GULP1: variants seen among roughly 807,000 people sequenced by gnomAD.
GULP1 encodes the protein PTB domain-containing engulfment adapter protein 1.
In GULP1, 19 loss-of-function variants were observed where a neutral mutation model predicts 40.9. That is an observed-to-expected ratio of 0.46 (90% confidence interval 0.32 to 0.68). The LOEUF (loss-of-function observed/expected upper bound fraction) is 0.68. Ranked by LOEUF, GULP1 falls within the 30% of genes least tolerant of loss-of-function variation. The pLI is 0.03. For missense variants in GULP1, 312 were observed against 362.2 expected, an observed-to-expected ratio of 0.86 and a Z score of 1.12; for synonymous variants, 119 against 117.6, an observed-to-expected ratio of 1.01 and a Z score of -0.08.
rs897976864 is a variant in GULP1, at chr2:188,292,221, T to G, written c.-172+55T>G. 1.1e-4 allele frequency: 16 copies of G among 152,368 alleles called. No individual in the cohort carries two copies. The highest frequency in any genetic ancestry group is 3.1e-4 in the African/African-American group (13 of 41,410). The allele number at this position is 152,368 out of a possible 1,614,324, so 9.4% of individuals were successfully genotyped here. On this transcript the variant is annotated intron_variant, in intron 1 of 11. Transcript: ENST00000409830. This position sits in a 1 kb window ranked among gnomAD's most constrained non-coding sequence, Gnocchi z 4.0. ...GCTGCGAACCCAGGCTCCCTCCAGG[T>G]AGCGTGGAATCGCTTAGAAGCTGAT...
intron 1 of GULP1, among the ~76,000 whole-genome samples, chr2:188,381,412 A>C (rs2152496919): frequency 6.6e-6 from 1 of 152,292 alleles, no homozygotes; most frequent in South Asian, 2.1e-4. Flanking sequence ...TGTTAAATTG[A>C]ATTGACCATT....
chr2:188,401,835 T>C (rs2152647552), intron 2 of GULP1, among the ~76,000 whole-genome samples: 1 of 152,274 alleles, frequency 6.6e-6, no homozygotes, highest in Admixed American at 6.5e-5. Flanking sequence ...TAGATCATTT[T>C]ATGTAAGTTG....
intron 6 of GULP1, among the ~76,000 whole-genome samples, chr2:188,532,037 A>G (rs1289388661): frequency 6.6e-6 from 1 of 152,058 alleles, no homozygotes; most frequent in East Asian, 1.9e-4. Context: ...ATTATTTTCA[A>G]TTTCTTATCT....
intron 1 of GULP1, among the ~76,000 whole-genome samples, chr2:188,376,784 A>AT (rs1285522992): frequency 6.6e-6 from 1 of 152,238 alleles, no homozygotes; most frequent in African/African-American, 2.4e-5. Context: ...CTATGTTGAC[A>AT]TATCTTTCCA....
At chr2:188,324,672 A>C (rs899857664) in intron 1 of GULP1, among the ~76,000 whole-genome samples, 1 of 151,980 alleles carries the variant, frequency 6.6e-6, no homozygotes, top group African/African-American at 2.4e-5. Flanking sequence ...TATTAGATGC[A>C]TGTATTATTT....
chr2:188,447,093 A>G (rs1055165329), intron 2 of GULP1, among the ~76,000 whole-genome samples: 2 of 152,140 alleles, frequency 1.3e-5, no homozygotes, highest in East Asian at 3.9e-4. Flanking sequence ...CTTCCAGGTT[A>G]TAGGTAGAAT....
chr2:188,516,712 A>G (rs530419699), intron 4 of GULP1, among the ~76,000 whole-genome samples: 55 of 152,310 alleles, frequency 3.6e-4, no homozygotes, highest in African/African-American at 1.3e-3. Context: ...ATTGAGTAGA[A>G]TTTGTATTTA....
chr2:188,536,519 A>G (rs908388492), intron 6 of GULP1, among the ~76,000 whole-genome samples: 1 of 151,708 alleles, frequency 6.6e-6, no homozygotes, highest in African/African-American at 2.4e-5. Flanking sequence ...TTATTTCTGA[A>G]TTCTCTATTC....
intron 2 of GULP1, among the ~76,000 whole-genome samples, chr2:188,405,895 T>C (rs1006532752): frequency 6.6e-6 from 1 of 152,140 alleles, no homozygotes; most frequent in Non-Finnish European, 1.5e-5. Context: ...GCCACAAGGT[T>C]AAGAACAGTC....
chr2:188,429,720 T>A (rs2056636081), intron 2 of GULP1, among the ~76,000 whole-genome samples: 1 of 152,066 alleles, frequency 6.6e-6, no homozygotes, highest in Non-Finnish European at 1.5e-5. Flanking sequence ...GTTGTTTTTT[T>A]TTTTAAGAGA....
intron 4 of GULP1, among the ~76,000 whole-genome samples, chr2:188,516,775 C>A (rs113065200): frequency 1.3e-5 from 2 of 152,230 alleles, no homozygotes; most frequent in African/African-American, 2.4e-5. Context: ...GACCAAATTT[C>A]GAAAAACACT....
intron 2 of GULP1, among the ~76,000 whole-genome samples, chr2:188,425,492 C>G (rs941634421): frequency 1.3e-5 from 2 of 152,090 alleles, no homozygotes; most frequent in Non-Finnish European, 2.9e-5. Context: ...TCCAGTCTTT[C>G]AATAGTCAGA....
At chr2:188,533,190 CA>C (rs1203880003) in intron 6 of GULP1, among the ~76,000 whole-genome samples, 7 of 151,900 alleles carry the variant, frequency 4.6e-5, no homozygotes, top group Admixed American at 3.9e-4. Flanking sequence ...ACAGAAATAC[CA>C]AACTTTTTTT....
At chr2:188,498,022 C>T (rs953367214) in intron 4 of GULP1, among the ~76,000 whole-genome samples, 1 of 151,866 alleles carries the variant, frequency 6.6e-6, no homozygotes, top group African/African-American at 2.4e-5. Context: ...ATATAGCTGG[C>T]TTACTATCTC....
intron 1 of GULP1, among the ~76,000 whole-genome samples, chr2:188,337,405 G>A (rs1451323925): frequency 6.6e-6 from 1 of 150,544 alleles, no homozygotes; most frequent in Non-Finnish European, 1.5e-5. Context: ...CTCCCAAAAT[G>A]CTGGGATTAC....
At chr2:188,456,268 G>C (rs1362169940) in intron 2 of GULP1, among the ~76,000 whole-genome samples, 1 of 152,150 alleles carries the variant, frequency 6.6e-6, no homozygotes, top group Non-Finnish European at 1.5e-5. Context: ...AATGTCTCCA[G>C]GGCATGTCAG....
At chr2:188,413,678 T>C (rs1365034938) in intron 2 of GULP1, among the ~76,000 whole-genome samples, 1 of 152,214 alleles carries the variant, frequency 6.6e-6, no homozygotes, top group Non-Finnish European at 1.5e-5. Context: ...GTATAGTTTA[T>C]TTCTGCCTTG....
At chr2:188,325,341 C>T (rs1450455062) in intron 1 of GULP1, among the ~76,000 whole-genome samples, 1 of 151,910 alleles carries the variant, frequency 6.6e-6, no homozygotes, top group East Asian at 1.9e-4. Flanking sequence ...TTGAATATAC[C>T]AGAGTTATTA....
chr2:188,387,300 A>G (rs558560168), intron 2 of GULP1, among the ~76,000 whole-genome samples: 2 of 152,188 alleles, frequency 1.3e-5, no homozygotes, highest in South Asian at 4.1e-4. Flanking sequence ...TTAAAAATAC[A>G]CCATTTAGAA....
Sources: gnomAD v4.1 joint callset for allele counts (sites outside exome capture counted in the v4.1 genomes callset) on GRCh38, gnomAD v4.1.1 for gene constraint, Gnocchi (gnomAD v3.1) non-coding constraint, MANE v1.5 for transcripts, NCBI Gene and HGNC (gene_info 2026-07-23, HGNC 2026-07-21) for gene names.